Variants in IMMT observed in about 807,000 individuals in gnomAD.
The protein encoded by IMMT is MICOS complex subunit MIC60.
A neutral mutation model predicts 92.7 loss-of-function variants in IMMT; 40 were observed. The observed-to-expected ratio is 0.43, with a 90% confidence interval of 0.34 to 0.56. The LOEUF is 0.56. Ranked by LOEUF, IMMT falls within the 20% of genes least tolerant of loss-of-function variation. IMMT has a pLI of 0.03. For synonymous variants in IMMT, 322 were observed against 336.1 expected, an observed-to-expected ratio of 0.96 and a Z score of 0.46; for missense variants, 831 against 912.1, an observed-to-expected ratio of 0.91 and a Z score of 1.14.
chr2:86,179,766 G>A (rs3770060), intron 2 of IMMT, 144 bp from the exon 3 acceptor site: 262,627 of 565,054 alleles, frequency 0.46, 63,793 homozygotes, highest in Non-Finnish European at 0.5. Flanking sequence ...TTACCACCAT[G>A]TCTGCACATC....
At chr2:86,174,754 CT>C (rs2105305258) in intron 3 of IMMT, among the ~76,000 whole-genome samples, 1 of 152,204 alleles carries the variant, frequency 6.6e-6, no homozygotes, top group East Asian at 1.9e-4. Flanking sequence ...TTATTTAACA[CT>C]ATATCATGGA....
At chr2:86,176,158 G>A (rs1677412778) in intron 3 of IMMT, among the ~76,000 whole-genome samples, 1 of 152,160 alleles carries the variant, frequency 6.6e-6, no homozygotes. Flanking sequence ...AAATAAAGGA[G>A]CCCAATGGCC....
intron 3 of IMMT, among the ~76,000 whole-genome samples, chr2:86,178,667 T>C (rs1677615934): frequency 6.6e-6 from 1 of 152,042 alleles, no homozygotes; most frequent in Non-Finnish European, 1.5e-5. Context: ...ATCTGGCAAG[T>C]TGCACTGCAT....
intron 8 of IMMT, among the ~76,000 whole-genome samples, chr2:86,161,484 C>G (rs1676267499): frequency 6.8e-6 from 1 of 146,694 alleles, no homozygotes; most frequent in Non-Finnish European, 1.5e-5. Context: ...TTTATTCCTT[C>G]TCTCTTTTTA....
intron 8 of IMMT, 71 bp downstream of exon 8, chr2:86,161,905 A>G (rs1327530371): frequency 2.2e-6 from 2 of 924,894 alleles, no homozygotes; most frequent in East Asian, 5.3e-5. Flanking sequence ...TACAGACAAT[A>G]CAAAGAAAAC....
intron 1 of IMMT, among the ~76,000 whole-genome samples, chr2:86,185,927 C>T (rs2105538617): frequency 6.6e-6 from 1 of 152,288 alleles, no homozygotes; most frequent in African/African-American, 2.4e-5. Context: ...ACTGAGCTCT[C>T]ATCAAGGAAT....
chr2:86,154,351 T>G (rs1406591563), intron 10 of IMMT, among the ~76,000 whole-genome samples: 1 of 151,668 alleles, frequency 6.6e-6, no homozygotes, highest in Non-Finnish European at 1.5e-5. Flanking sequence ...TTTTATATTT[T>G]TAGTAGACGG....
At position 86,179,475 on chromosome 2, in the gene IMMT, A is replaced by T; in HGVS notation, c.267T>A (p.Val89=). The change falls in exon 3 of 15, where the codon GTT becomes GTA. Residue 89 remains valine (V), a synonymous_variant. Transcript: ENST00000410111. ...GAACATTATAAGCTGCAGGACCAAG[A>T]ACCATCTCGAAGAGTTTGTCTGAGT... ...IPYSDKLFEM[V]LGPAAYNVPL... is the part of the protein sequence containing the mutation. 1 of 1,611,882 alleles carries T rather than the reference A, an allele frequency of 6.2e-7. No homozygotes were observed. The highest frequency in any genetic ancestry group is 2.2e-5 in the East Asian group (1 of 44,756).
At position 86,144,055 on chromosome 2, in the gene IMMT, A is replaced by G. The variant is rs1417211690; in HGVS notation, c.*213T>C. On this transcript the variant is annotated 3_prime_UTR_variant, in exon 15 of 15. Coordinates refer to ENST00000410111, the MANE Select transcript of IMMT (RefSeq NM_006839.3). ...TCAGTAAAACCTGAAAAAACAGAAAATGTTACACAAGTTGCAAAGAAAGCA... is the reference window on the plus strand; with the variant it reads ...TCAGTAAAACCTGAAAAAACAGAAAGTGTTACACAAGTTGCAAAGAAAGCA... 1.6e-6 allele frequency: 1 copy of G among 609,932 alleles called. No individual in the cohort carries two copies. Among genetic ancestry groups the G allele is most frequent in the Non-Finnish European group, 2.9e-6 (1 of 350,560 alleles). 37.8% of individuals were successfully genotyped at this position (609,932 alleles called of 1,614,324 possible).
intron 3 of IMMT, among the ~76,000 whole-genome samples, chr2:86,175,325 T>C (rs907849387): frequency 3.3e-5 from 5 of 152,082 alleles, no homozygotes; most frequent in Non-Finnish European, 7.4e-5. Context: ...TTTGTGTATA[T>C]AGACACATCA....
At chr2:86,152,457 A>AAAGAAAAG in intron 11 of IMMT, among the ~76,000 whole-genome samples, 1 of 149,826 alleles carries the variant, frequency 6.7e-6, no homozygotes, top group East Asian at 2.0e-4. Context: ...AAAAAAAAAA[A>AAAGAAAAG]AGAGAGAATT....
At chr2:86,148,765 T>C (rs1370669853) in intron 12 of IMMT, among the ~76,000 whole-genome samples, 1 of 152,190 alleles carries the variant, frequency 6.6e-6, no homozygotes, top group Non-Finnish European at 1.5e-5. Context: ...GCCTAACAAA[T>C]AGCCATAGGT....
intron 1 of IMMT, among the ~76,000 whole-genome samples, chr2:86,192,722 G>A (rs1255183885): frequency 6.6e-6 from 1 of 152,128 alleles, no homozygotes; most frequent in Non-Finnish European, 1.5e-5. Context: ...GGCAAGAGTA[G>A]TCAGAATTCT....
At chr2:86,158,273 G>A (rs193135745) in intron 10 of IMMT, 2 of 186,398 alleles carry the variant, frequency 1.1e-5, no homozygotes, top group East Asian at 2.4e-4. Context: ...TATTTCAGTA[G>A]TGTCAAGGTT....
intron 1 of IMMT, among the ~76,000 whole-genome samples, chr2:86,182,876 A>AAAAC (rs1672527029): frequency 6.6e-6 from 1 of 150,630 alleles, no homozygotes. Context: ...AAAAAAAAAC[A>AAAAC]AAAACAAAAA....
At chr2:86,163,850 T>G (rs1176016687) in intron 7 of IMMT, among the ~76,000 whole-genome samples, 5 of 149,634 alleles carry the variant, frequency 3.3e-5, no homozygotes, top group Non-Finnish European at 7.4e-5. Flanking sequence ...TCCCAGCTAC[T>G]CTGGAGGCTG....
chr2:86,144,419 A>C lies in IMMT; in HGVS notation c.2126T>G (p.Phe709Cys). ...GGATTCCCCCTTCAGCTGATTGACA[A>C]ACTTTGCTGCTAGCTCCAGATCACC... ...EHGDLELAAK[F>C]VNQLKGESRR... The change falls in exon 15 of 15, where the codon TTT (phenylalanine) becomes TGT (cysteine). Residue 709 changes from phenylalanine (F) to cysteine (C), a missense_variant. Phe to Cys is a radical substitution (Grantham distance 205). Transcript: ENST00000410111. The C allele has an allele frequency of 1.2e-6, 2 of 1,613,942 alleles. No homozygotes were observed. Among genetic ancestry groups the C allele is most frequent in the Non-Finnish European group, 1.7e-6 (2 of 1,179,894 alleles).
In IMMT at chr2:86,171,114, A is replaced by T. The variant is rs181827104; in HGVS notation, c.559+94T>A. On this transcript the variant is annotated intron_variant, in intron 5 of 14. Transcript: ENST00000410111. ...AACTCTGAAGACCTAAACCTAGTGT[A>T]AATGTATACTTAGTGTCTACGTGTT... 1.4e-5 allele frequency: 15 copies of T among 1,105,746 alleles called. No individual in the cohort carries two copies. The Admixed American group carries it at 4.0e-4, about 30-fold the overall frequency. 68.5% of individuals were successfully genotyped at this position (1,105,746 alleles called of 1,614,324 possible).
Position 86,144,084 on chromosome 2 carries a change from C to T in IMMT, c.*184G>A, listed in dbSNP as rs973156990. On this transcript the variant is annotated 3_prime_UTR_variant, in exon 15 of 15. Coordinates refer to ENST00000410111, the MANE Select transcript of IMMT (RefSeq NM_006839.3). ...TACACAAGTTGCAAAGAAAGCACTC[C>T]TGGCGTTCACTGACATGATAGCAAA... The T allele has an allele frequency of 7.4e-6, 5 of 676,072 alleles. No individual in the cohort carries two copies. Among genetic ancestry groups the T allele is most frequent in the South Asian group, 6.0e-5 (3 of 50,350 alleles). 41.9% of individuals were successfully genotyped at this position (676,072 alleles called of 1,614,324 possible). A position where few individuals can be genotyped will look rare whatever the true frequency, so the allele number is the denominator to read the frequency against.
Sources: gnomAD v4.1 joint callset for allele counts (sites outside exome capture counted in the v4.1 genomes callset) on GRCh38, gnomAD v4.1.1 for gene constraint, MANE v1.5 for transcripts, NCBI Gene and HGNC (gene_info 2026-07-23, HGNC 2026-07-21) for gene names.